Variants in RALYL observed in about 807,000 individuals in gnomAD.
The protein encoded by RALYL is RALY RNA binding protein like.
In RALYL, 29 loss-of-function variants were observed where a neutral mutation model predicts 35.1. That is an observed-to-expected ratio of 0.83 (90% confidence interval 0.61 to 1.13). The LOEUF is 1.13. Among genes scored for constraint, RALYL ranks in the 50% most tolerant of loss-of-function variants. RALYL has a pLI of 0.00. For missense variants in RALYL, 359 were observed against 360.4 expected (o/e 1.00, Z 0.03); for synonymous variants, 120 against 127.6 (o/e 0.94, Z 0.40).
chr8:84,625,974 G>C (rs570064231), intron 2 of RALYL, among the ~76,000 whole-genome samples: 1 of 151,942 alleles, frequency 6.6e-6, no homozygotes. Flanking sequence ...ACGCTAAAAG[G>C]TAATTCAGAG....
intron 2 of RALYL, among the ~76,000 whole-genome samples, chr8:84,732,683 T>TATATATACACACACACACAC: frequency 1.5e-5 from 2 of 133,234 alleles, no homozygotes; most frequent in African/African-American, 6.1e-5. Context: ...TATATATATA[T>TATATATACACACACACACAC]ACACACACAC....
intron 2 of RALYL, among the ~76,000 whole-genome samples, chr8:84,618,216 T>C (rs1167370267): frequency 6.6e-5 from 10 of 151,740 alleles, no homozygotes; most frequent in Non-Finnish European, 1.5e-4. Flanking sequence ...GTGAATCCAT[T>C]TGGTCCTGGA....
intron 1 of RALYL, among the ~76,000 whole-genome samples, chr8:84,496,258 C>T (rs1017255435): frequency 6.6e-6 from 1 of 151,966 alleles, no homozygotes; most frequent in Non-Finnish European, 1.5e-5. Context: ...CATTTGGACC[C>T]CAGTCTCATC....
chr8:84,189,751 A>G (rs1177092733), intron 1 of RALYL, among the ~76,000 whole-genome samples: 1 of 151,894 alleles, frequency 6.6e-6, no homozygotes, highest in Non-Finnish European at 1.5e-5. Flanking sequence ...TTCCTAATAT[A>G]AAACAACTGT....
chr8:84,214,078 T>C (rs1006230937), intron 1 of RALYL, among the ~76,000 whole-genome samples: 5 of 152,172 alleles, frequency 3.3e-5, no homozygotes, highest in African/African-American at 9.6e-5. Flanking sequence ...TTCATTATTG[T>C]TATCAATTGC....
At chr8:84,491,041 G>A (rs1186749893) in intron 1 of RALYL, among the ~76,000 whole-genome samples, 2 of 151,860 alleles carry the variant, frequency 1.3e-5, no homozygotes, top group South Asian at 2.1e-4. Flanking sequence ...GGGGAAGAAC[G>A]TTTTTTGCCC....
intron 1 of RALYL, among the ~76,000 whole-genome samples, chr8:84,213,955 A>C (rs1235738222): frequency 6.6e-6 from 1 of 152,196 alleles, no homozygotes; most frequent in African/African-American, 2.4e-5. Flanking sequence ...AATTTGAATG[A>C]AGAAAATGTG....
intron 4 of RALYL, among the ~76,000 whole-genome samples, chr8:84,842,273 T>C (rs1466864180): frequency 6.6e-6 from 1 of 152,028 alleles, no homozygotes; most frequent in Admixed American, 6.6e-5. Flanking sequence ...CAATAAAAAA[T>C]GATAAAGGGG....
intron 4 of RALYL, among the ~76,000 whole-genome samples, chr8:84,813,450 T>C (rs538517297): frequency 6.6e-6 from 1 of 152,318 alleles, no homozygotes; most frequent in African/African-American, 2.4e-5. Flanking sequence ...TCTGTGATGA[T>C]CAAATTTATG....
intron 1 of RALYL, among the ~76,000 whole-genome samples, chr8:84,220,855 T>C (rs1168255469): frequency 6.6e-6 from 1 of 151,960 alleles, no homozygotes; most frequent in African/African-American, 2.4e-5. Flanking sequence ...GTTAAAATTT[T>C]TATCATATAT....
At chr8:84,412,319 C>T (rs1245815359) in intron 1 of RALYL, among the ~76,000 whole-genome samples, 1 of 151,862 alleles carries the variant, frequency 6.6e-6, no homozygotes, top group Non-Finnish European at 1.5e-5. Flanking sequence ...GTGCTCATTA[C>T]AATTTTATTT....
chr8:84,725,110 A>G (rs1563445063), intron 2 of RALYL, among the ~76,000 whole-genome samples: 1 of 151,600 alleles, frequency 6.6e-6, no homozygotes, highest in Non-Finnish European at 1.5e-5. Flanking sequence ...ACTGCCTAAG[A>G]TCTGCCTAAA....
chr8:84,213,403 A>C (rs1242707024), intron 1 of RALYL, among the ~76,000 whole-genome samples: 1 of 152,210 alleles, frequency 6.6e-6, no homozygotes, highest in Non-Finnish European at 1.5e-5. Context: ...CTCAACAACA[A>C]CAAATAAATG....
intron 2 of RALYL, among the ~76,000 whole-genome samples, chr8:84,570,723 G>T (rs535370924): frequency 3.9e-4 from 59 of 151,978 alleles, no homozygotes; most frequent in African/African-American, 1.3e-3. Flanking sequence ...CTGTGTATTT[G>T]CCATGGATGG....
rs185570401 is a variant in RALYL at position 84,574,208 on chromosome 8, T to C, written c.256+44631T>C. Among the ~76,000 whole-genome samples the C allele has an allele frequency of 8.0e-4, 121 of 152,192 alleles. 1 individual carries two copies. The highest frequency in any genetic ancestry group is 4.4e-3 in the East Asian group (23 of 5,170). On this transcript the variant is annotated intron_variant, in intron 2 of 8. Transcript: ENST00000521268. ...GCCTACTTTTACCCTACTATTAAAA[T>C]ATGACTCTTCTAATGTCTTTCCTTA... is the stretch of plus-strand genomic sequence containing the variant.
At chr8:84,317,247 A>AGTT (rs1554617220) in intron 1 of RALYL, among the ~76,000 whole-genome samples, 1 of 151,650 alleles carries the variant, frequency 6.6e-6, no homozygotes, top group African/African-American at 2.4e-5. Context: ...GGCAAAACAA[A>AGTT]GAATGAAACA....
At chr8:84,387,803 C>CTTTCTT (rs1342515580) in intron 1 of RALYL, among the ~76,000 whole-genome samples, 3 of 135,522 alleles carry the variant, frequency 2.2e-5, no homozygotes, top group African/African-American at 8.0e-5. Flanking sequence ...TTCTTTCTTT[C>CTTTCTT]TTTTTTTTTT....
chr8:84,381,634 T>A (rs1858012473), intron 1 of RALYL, among the ~76,000 whole-genome samples: 3 of 151,962 alleles, frequency 2.0e-5, no homozygotes, highest in African/African-American at 7.2e-5. Flanking sequence ...TTTGAAATGA[T>A]AACAAATGTT....
At chr8:84,388,050 A>T (rs1859656867) in intron 1 of RALYL, among the ~76,000 whole-genome samples, 1 of 151,434 alleles carries the variant, frequency 6.6e-6, no homozygotes, top group Non-Finnish European at 1.5e-5. Flanking sequence ...TGTCCATGTG[A>T]TCTCATTGTT....
Sources: gnomAD v4.1 joint callset for allele counts (sites outside exome capture counted in the v4.1 genomes callset) on GRCh38, gnomAD v4.1.1 for gene constraint, MANE v1.5 for transcripts, NCBI Gene and HGNC (gene_info 2026-07-23, HGNC 2026-07-21) for gene names.